The following PXDNL variants were observed in gnomAD, a reference collection of about 807,000 sequenced individuals.
The protein encoded by PXDNL is probable oxidoreductase PXDNL.
Under a neutral mutation model 150.8 loss-of-function variants are expected in PXDNL, and 145 were observed. That is an observed-to-expected ratio of 0.96 (90% CI 0.84 to 1.10). The LOEUF is 1.10. Ranked by LOEUF, PXDNL falls within the 50% of genes least tolerant of loss-of-function variation. The probability of loss-of-function intolerance (pLI) is 0.00; values close to 1 mark genes in which losing one functional copy is unlikely to be tolerated. For missense variants in PXDNL, 2,087 were observed against 1,873.9 expected, an observed-to-expected ratio of 1.11 and a Z score of -2.10; for synonymous variants, 757 against 725.7, an observed-to-expected ratio of 1.04 and a Z score of -0.69.
chr8:51,586,629 CAA>C (rs528089088), intron 3 of PXDNL, among the ~76,000 whole-genome samples: 5 of 152,012 alleles, frequency 3.3e-5, no homozygotes, highest in African/African-American at 1.2e-4. Context: ...CCTAATATTT[CAA>C]AAAAAATCTT....
rs773020985 is a variant in PXDNL at position 51,475,010 on chromosome 8, C to T, written c.656G>A (p.Arg219His). 1.4e-5 allele frequency: 23 copies of T among 1,608,796 alleles called. No homozygotes were observed. The Admixed American group carries it at 1.5e-4, about 11-fold the overall frequency. The change falls in exon 7 of 23, where the codon CGT (arginine) becomes CAT (histidine). Residue 219 changes from arginine (R) to histidine (H), a missense_variant. By Grantham distance (29) the Arg-to-His change is conservative (BLOSUM62 0). Transcript: ENST00000356297. ...TCEYPRRLHG[R>H]AVASVTVEEF... is the part of the protein sequence containing the mutation. ...CTCTACTGTTACTGAAGCAACTGCA[C>T]GCCCATGGAGTCTCCTGGGATATTC...
chr8:51,320,644 C>T, intron 22 of PXDNL, 140 bp downstream of exon 22: 1 of 636,042 alleles, frequency 1.6e-6, no homozygotes, highest in Non-Finnish European at 2.7e-6. Context: ...AATTTCACAC[C>T]AGTACCTTGA....
intron 1 of PXDNL, among the ~76,000 whole-genome samples, chr8:51,657,152 C>T (rs1343738532): frequency 6.6e-6 from 1 of 152,128 alleles, no homozygotes; most frequent in Non-Finnish European, 1.5e-5. Context: ...ATCTAACACA[C>T]TCCTTATTTT....
intron 4 of PXDNL, among the ~76,000 whole-genome samples, chr8:51,506,632 A>G (rs1247534719): frequency 2.0e-5 from 3 of 152,026 alleles, no homozygotes; most frequent in African/African-American, 7.2e-5. Flanking sequence ...GAGTTATGAA[A>G]AATCTTTCTC....
chr8:51,724,609 C>A (rs4242469), intron 1 of PXDNL, among the ~76,000 whole-genome samples: 148,027 of 152,270 alleles, frequency 0.97, 72,089 homozygotes, highest in East Asian at 1. Flanking sequence ...TGCCACCATA[C>A]ATAGTTCTCC....
At chr8:51,773,897 TC>T (rs2037325508) in intron 1 of PXDNL, among the ~76,000 whole-genome samples, 1 of 152,214 alleles carries the variant, frequency 6.6e-6, no homozygotes, top group African/African-American at 2.4e-5. Context: ...TTGTAGCCTT[TC>T]TTTCTTTCAT....
In PXDNL at chr8:51,525,245, T is replaced by C. The variant is rs367746179; in HGVS notation, c.381-25475A>G. 1.1e-4 allele frequency among the ~76,000 whole-genome samples: 16 copies of C among 152,254 alleles called. No individual in the cohort carries two copies. In the East Asian group the frequency reaches 1.3e-3, roughly 13 times the overall value. ...CCGCTCATGATTTCTAATGGCATTG[T>C]CATTTTTGTGAAGATTACATATTCT... On this transcript the variant is annotated intron_variant, in intron 4 of 22. Transcript: ENST00000356297.
At chr8:51,534,788 G>A (rs1812023449) in intron 4 of PXDNL, among the ~76,000 whole-genome samples, 1 of 136,432 alleles carries the variant, frequency 7.3e-6, no homozygotes, top group Non-Finnish European at 1.6e-5. Context: ...CCGTCCGGGA[G>A]GGAGGTGGGG....
chr8:51,645,280 G>C (rs1378797876), intron 2 of PXDNL, among the ~76,000 whole-genome samples: 1 of 152,136 alleles, frequency 6.6e-6, no homozygotes, highest in Non-Finnish European at 1.5e-5. Flanking sequence ...GCCATCTGCT[G>C]TCCTCAGGCC....
At chr8:51,519,524 C>T (rs909061254) in intron 4 of PXDNL, among the ~76,000 whole-genome samples, 9 of 151,136 alleles carry the variant, frequency 6.0e-5, no homozygotes, top group Non-Finnish European at 1.0e-4. Flanking sequence ...CAGAGTGAGA[C>T]ACCATCTTAA....
At chr8:51,556,949 G>C (rs986406798) in intron 3 of PXDNL, 38 bp from the exon 4 acceptor site, 1 of 1,203,416 alleles carries the variant, frequency 8.3e-7, no homozygotes, top group African/African-American at 1.5e-5. Context: ...TTATAAATTA[G>C]TAGAGATACC....
chr8:51,641,777 C>T (rs1814761881), intron 2 of PXDNL, among the ~76,000 whole-genome samples: 1 of 152,070 alleles, frequency 6.6e-6, no homozygotes, highest in East Asian at 1.9e-4. Flanking sequence ...ACTAGTGCAA[C>T]CATTGTGGAA....
chr8:51,572,860 C>A (rs1812976419), intron 3 of PXDNL, among the ~76,000 whole-genome samples: 1 of 151,788 alleles, frequency 6.6e-6, no homozygotes, highest in Admixed American at 6.6e-5. Context: ...ATTTATCCCA[C>A]TAAATACAAC....
chr8:51,603,628 T>G (rs549944012), intron 2 of PXDNL, among the ~76,000 whole-genome samples: 37 of 152,146 alleles, frequency 2.4e-4, no homozygotes, highest in Admixed American at 5.9e-4. Context: ...TGGGTTGCAC[T>G]ATATAAGCAT....
At chr8:51,578,108 AAG>A (rs199938976) in intron 3 of PXDNL, among the ~76,000 whole-genome samples, 1,397 of 136,326 alleles carry the variant, frequency 0.01, 147 homozygotes, top group African/African-American at 0.043. Flanking sequence ...AAGAAAAAGA[AAG>A]AAAGAAAGAA....
At chr8:51,805,002 G>C (rs1563326340) in intron 1 of PXDNL, among the ~76,000 whole-genome samples, 2 of 151,600 alleles carry the variant, frequency 1.3e-5, no homozygotes, top group Non-Finnish European at 2.9e-5. Context: ...TTCCAGAACA[G>C]CCTCTTCCAG....
At position 51,319,942 on chromosome 8, in the gene PXDNL, AC is replaced by A. The variant is rs1805266227; in HGVS notation, c.4340del (p.Cys1447PhefsTer75). 13 of 1,578,810 alleles carry A rather than the reference AC, an allele frequency of 8.2e-6. No homozygotes were observed. The highest frequency in any genetic ancestry group is 1.1e-5 in the Non-Finnish European group (13 of 1,163,750). On this transcript the variant is annotated frameshift_variant, in exon 23 of 23. Transcript: ENST00000356297. LOFTEE classifies it low-confidence loss of function (END_TRUNC). ...PSPELVKGTC[C>X]PVCRDRGMPS... is the part of the protein sequence containing the mutation. ...GCATTCCTCGGTCTCTGCAAACTGG[AC>A]AGCAGGTTCCTTTCACCAATTCAGG...
At chr8:51,773,259 G>A (rs541083128) in intron 1 of PXDNL, among the ~76,000 whole-genome samples, 16 of 152,106 alleles carry the variant, frequency 1.1e-4, no homozygotes, top group Non-Finnish European at 2.1e-4. Flanking sequence ...TCCTGCCCAC[G>A]CTTCTTTTTT....
intron 1 of PXDNL, among the ~76,000 whole-genome samples, chr8:51,722,317 A>G (rs1226938556): frequency 6.6e-6 from 1 of 152,240 alleles, no homozygotes; most frequent in Non-Finnish European, 1.5e-5. Flanking sequence ...ACAGACGAGC[A>G]GGTGCAGGAG....
Sources: gnomAD v4.1 joint callset for allele counts (sites outside exome capture counted in the v4.1 genomes callset) on GRCh38, gnomAD v4.1.1 for gene constraint, MANE v1.5 for transcripts, NCBI Gene and HGNC (gene_info 2026-07-23, HGNC 2026-07-21) for gene names.